Variants in TBC1D22A observed in about 807,000 individuals in gnomAD.
TBC1D22A encodes putative GTPase activator.
In TBC1D22A, 38 loss-of-function variants were observed where a neutral mutation model predicts 60.2. The observed-to-expected ratio is 0.63, with a 90% CI of 0.49 to 0.83. The LOEUF (loss-of-function observed/expected upper bound fraction) is 0.83, where lower values mean the gene tolerates loss of function less well. Among genes scored for constraint, TBC1D22A ranks in the 40% least tolerant of loss-of-function variants. TBC1D22A has a pLI of 0.00. For missense variants in TBC1D22A, 628 were observed against 701.0 expected, an observed-to-expected ratio of 0.90 and a Z score of 1.18; for synonymous variants, 302 against 281.7, an observed-to-expected ratio of 1.07 and a Z score of -0.72.
chr22:46,796,859 C>G (rs1425549872), intron 3 of TBC1D22A, among the ~76,000 whole-genome samples: 1 of 152,178 alleles, frequency 6.6e-6, no homozygotes, highest in Non-Finnish European at 1.5e-5. Context: ...GATGAGGGTC[C>G]CTGTGGGACC....
Position 46,792,773 on chromosome 22 carries a change from C to T in TBC1D22A, c.119+197C>T, listed in dbSNP as rs777303052. 36 of 1,461,982 alleles carry T rather than the reference C, an allele frequency of 2.5e-5. No homozygotes were observed. The Middle Eastern group carries it at 5.3e-4, about 22-fold the overall frequency. 90.6% of individuals were successfully genotyped at this position (1,461,982 alleles called of 1,614,324 possible). A position where few individuals can be genotyped will look rare whatever the true frequency, so the allele number is the denominator to read the frequency against. ...GTGCTGCGCATCCCGGTGAAGACGG[C>T]GGATGTGGGAGCCACAGCCTGATGT... On this transcript the variant is annotated intron_variant, in intron 2 of 12. Coordinates refer to ENST00000337137, the MANE Select transcript of TBC1D22A (RefSeq NM_014346.5).
chr22:46,911,772 A>G (rs553376253), intron 7 of TBC1D22A, among the ~76,000 whole-genome samples: 2 of 152,112 alleles, frequency 1.3e-5, no homozygotes, highest in South Asian at 4.2e-4. Flanking sequence ...TACAAAAATT[A>G]GCCAGGCATG....
chr22:47,089,578 G>C (rs1448068699), intron 11 of TBC1D22A, among the ~76,000 whole-genome samples: 1 of 152,252 alleles, frequency 6.6e-6, no homozygotes, highest in African/African-American at 2.4e-5. Context: ...TCGTGTGGGA[G>C]GAGTGAGGCC....
chr22:47,037,048 G>T (rs757200639), intron 10 of TBC1D22A, 23 bp from the exon 11 acceptor site: 3 of 1,612,602 alleles, frequency 1.9e-6, no homozygotes, highest in Non-Finnish European at 2.5e-6. Context: ...GACAGCCTTG[G>T]GGCCTGTGTT....
rs147056286 is a variant in TBC1D22A at position 46,793,672 on chromosome 22, G to A, written c.291G>A (p.Thr97=). The change falls in exon 3 of 13, where the codon ACG becomes ACA. Residue 97 remains threonine, a synonymous_variant. Coordinates refer to ENST00000337137, the MANE Select transcript of TBC1D22A (RefSeq NM_014346.5). ...TGAACTCCGAGGTGGTCATGGAGAC[G>A]GCCAACCGTGTGCTGCGTAACCACA... The part of the protein sequence containing the change: ...ESLNSEVVME[T]ANRVLRNHSQ... 74 of 1,613,230 alleles carry A rather than the reference G, an allele frequency of 4.6e-5. No individual in the cohort carries two copies. In the African/African-American group the frequency reaches 8.1e-4, roughly 18 times the overall value.
intron 1 of TBC1D22A, chr22:46,774,112 G>A: frequency 3.0e-6 from 3 of 985,672 alleles, no homozygotes; most frequent in Non-Finnish European, 3.6e-6. Context: ...TTGAACTCAG[G>A]CTGCTGCCTG....
intron 4 of TBC1D22A, among the ~76,000 whole-genome samples, chr22:46,843,416 G>T (rs2086859531): frequency 6.8e-6 from 1 of 147,438 alleles, no homozygotes; most frequent in African/African-American, 2.7e-5. Flanking sequence ...TGGGATGCCA[G>T]GGGATTGAGA....
rs146356921 is a variant in TBC1D22A, at chr22:46,921,334, G to A, written c.1015+9146G>A. On this transcript the variant is annotated intron_variant, in intron 8 of 12. Transcript: ENST00000337137. Reference sequence around the variant, plus strand: ...AGCTCCCACTTATAAGTGAGAACATGCAGTATTTGGTTTTCTGTGCCTGTA... The same window carrying A: ...AGCTCCCACTTATAAGTGAGAACATACAGTATTTGGTTTTCTGTGCCTGTA... Among the ~76,000 whole-genome samples the A allele has an allele frequency of 1.7e-3, 261 of 152,284 alleles. 1 individual carries two copies. The highest frequency in any genetic ancestry group is 6.1e-3 in the African/African-American group (254 of 41,558).
chr22:47,131,919 G>A (rs1046879384), intron 12 of TBC1D22A, among the ~76,000 whole-genome samples: 4 of 152,212 alleles, frequency 2.6e-5, no homozygotes, highest in African/African-American at 7.2e-5. Context: ...GGAGCCACTC[G>A]AGTTCGTGGC....
chr22:47,007,541 A>C (rs2061630841), intron 10 of TBC1D22A, among the ~76,000 whole-genome samples: 1 of 152,206 alleles, frequency 6.6e-6, no homozygotes, highest in Non-Finnish European at 1.5e-5. Context: ...AGCACAGTTT[A>C]CTTTATCATG....
In TBC1D22A at chr22:46,847,976, A is replaced by C. The variant is rs961850714; in HGVS notation, c.638-30677A>C. 2.0e-5 allele frequency among the ~76,000 whole-genome samples: 3 copies of C among 151,550 alleles called. No individual in the cohort carries two copies. In the East Asian group the frequency reaches 5.8e-4, roughly 29 times the overall value. ...GTGTGCGCGCGCGCACGCGCTCTAC[A>C]CAGTAAATACCCGGAGGGAAGACTG... On this transcript the variant is annotated intron_variant, in intron 4 of 12. Coordinates refer to ENST00000337137, the MANE Select transcript of TBC1D22A (RefSeq NM_014346.5).
intron 10 of TBC1D22A, among the ~76,000 whole-genome samples, chr22:46,999,902 G>A (rs564142395): frequency 5.3e-5 from 8 of 152,272 alleles, no homozygotes; most frequent in Middle Eastern, 3.4e-3. Flanking sequence ...GCAGGCGCCT[G>A]GAGTCCCAGC....
At chr22:46,856,066 T>C (rs1602173024) in intron 4 of TBC1D22A, among the ~76,000 whole-genome samples, 1 of 152,136 alleles carries the variant, frequency 6.6e-6, no homozygotes, top group Non-Finnish European at 1.5e-5. Flanking sequence ...AGGCTGCCCC[T>C]TTCCTCTGCA....
At chr22:47,162,589 A>T (rs1259237993) in intron 12 of TBC1D22A, among the ~76,000 whole-genome samples, 2 of 152,120 alleles carry the variant, frequency 1.3e-5, no homozygotes, top group African/African-American at 4.8e-5. Flanking sequence ...AAGCCTCAAG[A>T]TTGTCCTCCA....
chr22:47,136,775 C>T (rs1259350076), intron 12 of TBC1D22A, among the ~76,000 whole-genome samples: 4 of 152,208 alleles, frequency 2.6e-5, no homozygotes, highest in South Asian at 4.1e-4. Context: ...ACTGCCTGTG[C>T]CCCCAGGACA....
intron 8 of TBC1D22A, among the ~76,000 whole-genome samples, chr22:46,925,361 C>T (rs929947900): frequency 5.9e-5 from 9 of 152,200 alleles, no homozygotes; most frequent in Admixed American, 1.3e-4. Context: ...TGGGGTTGCT[C>T]GTGTGTGGAA....
chr22:46,784,294 T>C (rs2084067093), intron 1 of TBC1D22A, among the ~76,000 whole-genome samples: 1 of 152,198 alleles, frequency 6.6e-6, no homozygotes, highest in Admixed American at 6.5e-5. Flanking sequence ...TCCGCCTGCC[T>C]GGTCTCAAGT....
chr22:46,915,740 G>A (rs956654752), intron 8 of TBC1D22A: 1 of 456,674 alleles, frequency 2.2e-6, no homozygotes, highest in Non-Finnish European at 4.4e-6. Flanking sequence ...CTGGGGATGT[G>A]TGTTCGCCAT....
At chr22:46,803,965 C>A (rs556695243) in intron 4 of TBC1D22A, among the ~76,000 whole-genome samples, 4 of 152,232 alleles carry the variant, frequency 2.6e-5, no homozygotes, top group Non-Finnish European at 5.9e-5. Context: ...TTCAGCTAGA[C>A]CTTTCTTGCC....
Sources: allele counts gnomAD v4.1 joint callset (sites outside exome capture counted in the v4.1 genomes callset), GRCh38; gene constraint gnomAD v4.1.1; transcripts MANE v1.5; gene names NCBI Gene and HGNC (gene_info 2026-07-23, HGNC 2026-07-21).